The following NRG1 variants were observed in gnomAD, a reference collection of about 807,000 sequenced individuals.
NRG1 encodes the protein neuregulin 1.
NRG1 carries 18 observed loss-of-function variants against 63.8 expected under a neutral mutation model. The observed-to-expected ratio is 0.28, with a 90% CI of 0.19 to 0.42. NRG1 has a LOEUF of 0.42. Among genes scored for constraint, NRG1 ranks in the 10% least tolerant of loss-of-function variants. The pLI, the probability that NRG1 is intolerant of heterozygous loss-of-function variation, is 1.00. For synonymous variants in NRG1, 302 were observed against 301.3 expected, an observed-to-expected ratio of 1.00 and a Z score of -0.02; for missense variants, 762 against 814.7, an observed-to-expected ratio of 0.94 and a Z score of 0.79.
At chr8:32,188,926 A>G (rs566889576) in intron 1 of NRG1, among the ~76,000 whole-genome samples, 245 of 152,228 alleles carry the variant, frequency 1.6e-3, no homozygotes, top group Middle Eastern at 6.8e-3. Flanking sequence ...TAACCTGCAC[A>G]TTGTGCATAT....
chr8:31,737,704 C>T (rs778606482), intron 1 of NRG1, among the ~76,000 whole-genome samples: 1 of 152,126 alleles, frequency 6.6e-6, no homozygotes, highest in African/African-American at 2.4e-5. Context: ...TGGGAGCAGG[C>T]TGTATGCTTT....
intron 1 of NRG1, among the ~76,000 whole-genome samples, chr8:31,910,309 A>G (rs1832838929): frequency 6.6e-6 from 1 of 152,210 alleles, no homozygotes; most frequent in Non-Finnish European, 1.5e-5. Flanking sequence ...ATGGAATGAG[A>G]TGAAAATGGA....
chr8:31,811,951 C>T (rs1024424455), intron 1 of NRG1, among the ~76,000 whole-genome samples: 2 of 152,132 alleles, frequency 1.3e-5, no homozygotes, highest in Admixed American at 1.3e-4. Context: ...ATCCCTACAG[C>T]AATTTCTCTA....
At chr8:31,835,442 A>G (rs571158219) in intron 1 of NRG1, among the ~76,000 whole-genome samples, 2 of 152,306 alleles carry the variant, frequency 1.3e-5, no homozygotes, top group Admixed American at 6.5e-5. Flanking sequence ...GTTCAGCCTC[A>G]TTAAATCTAG....
chr8:32,192,391 T>C (rs1842577859), intron 1 of NRG1, among the ~76,000 whole-genome samples: 3 of 152,298 alleles, frequency 2.0e-5, no homozygotes, highest in East Asian at 3.9e-4. Flanking sequence ...GTATACACCA[T>C]GTAATACTAC....
chr8:31,901,952 T>C (rs1563545044), intron 1 of NRG1, among the ~76,000 whole-genome samples: 1 of 152,318 alleles, frequency 6.6e-6, no homozygotes, highest in East Asian at 1.9e-4. Context: ...ACGGAACTTA[T>C]TCCATTCAAC....
At chr8:32,494,359 G>T (rs1486435297) in intron 1 of NRG1, among the ~76,000 whole-genome samples, 1 of 152,014 alleles carries the variant, frequency 6.6e-6, no homozygotes, top group African/African-American at 2.4e-5. Context: ...ATACTAATTT[G>T]TCATATTCTA....
At chr8:32,335,344 A>G (rs1278541747) in intron 1 of NRG1, among the ~76,000 whole-genome samples, 1 of 152,160 alleles carries the variant, frequency 6.6e-6, no homozygotes, top group Non-Finnish European at 1.5e-5. Flanking sequence ...TCCTTTCCAG[A>G]AAACAATTGT....
chr8:32,510,743 C>T (rs1798569671), intron 1 of NRG1, among the ~76,000 whole-genome samples: 1 of 152,056 alleles, frequency 6.6e-6, no homozygotes, highest in South Asian at 2.1e-4. Context: ...AAGGACCATG[C>T]AGGCTGAGAC....
At chr8:31,777,065 C>T (rs1459903472) in intron 1 of NRG1, among the ~76,000 whole-genome samples, 4 of 152,104 alleles carry the variant, frequency 2.6e-5, no homozygotes, top group East Asian at 3.9e-4. Context: ...AGACTTGGAA[C>T]CCACTTCCCA....
intron 7 of NRG1, chr8:32,749,610 AGCCT>A (rs779631498): frequency 6.2e-7 from 1 of 1,611,694 alleles, no homozygotes; most frequent in Admixed American, 1.7e-5. Context: ...CATTCCTTTT[AGCCT>A]GCAGAATTTA....
At chr8:32,648,247 GTATTTTTGCC>G in intron 5 of NRG1, 1 of 1,614,034 alleles carries the variant, frequency 6.2e-7, no homozygotes, top group Non-Finnish European at 8.5e-7. Flanking sequence ...CCGAAGAATC[GTATTTTTGCC>G]TTTTCTTTCT....
At chr8:31,841,873 T>C (rs902371581) in intron 1 of NRG1, among the ~76,000 whole-genome samples, 1 of 152,192 alleles carries the variant, frequency 6.6e-6, no homozygotes, top group Non-Finnish European at 1.5e-5. Context: ...CTGCAGAGTT[T>C]TAGAGACCAA....
chr8:32,470,689 T>C (rs750133515), intron 1 of NRG1, among the ~76,000 whole-genome samples: 3 of 152,220 alleles, frequency 2.0e-5, no homozygotes, highest in Non-Finnish European at 4.4e-5. Context: ...TACTGAATCC[T>C]ACCCTAATAC....
intron 1 of NRG1, among the ~76,000 whole-genome samples, chr8:32,330,041 TAAAAAAAAAAAAAAAAAAAAAAAAAAA>T (rs532006401): frequency 4.7e-5 from 2 of 42,978 alleles, no homozygotes; most frequent in Non-Finnish European, 8.1e-5. Flanking sequence ...CCTAGCTAAT[TAAAAAAAAAAAAAAAAAAAAAAAAAAA>T]AAAAAAAAAA....
At chr8:31,920,876 A>G (rs1219795604) in intron 1 of NRG1, among the ~76,000 whole-genome samples, 24 of 133,622 alleles carry the variant, frequency 1.8e-4, no homozygotes, top group African/African-American at 6.1e-4. Context: ...AGATAGATAG[A>G]TAGATAGGTA....
At chr8:31,713,361 C>A (rs969888265) in intron 1 of NRG1, among the ~76,000 whole-genome samples, 1 of 152,030 alleles carries the variant, frequency 6.6e-6, no homozygotes, top group African/African-American at 2.4e-5. Context: ...CGTGATCCGC[C>A]GGCCTCGGCC....
At chr8:32,532,944 T>G (rs1044057736) in intron 1 of NRG1, among the ~76,000 whole-genome samples, 1 of 152,008 alleles carries the variant, frequency 6.6e-6, no homozygotes, top group Non-Finnish European at 1.5e-5. Context: ...AAGTTGCTGG[T>G]TTTTTTAATA....
At position 31,893,963 on chromosome 8, in the gene NRG1, T is replaced by C. The variant is rs866016726; in HGVS notation, c.37+254532T>C. ...AGTAAGAATATTGTTATGCAGATCA[T>C]TGTTATTCTATAAAATGCAGTACCA... On this transcript the variant is annotated intron_variant, in intron 1 of 10. Coordinates refer to the NRG1 transcript ENST00000519301. Among the ~76,000 whole-genome samples the C allele has an allele frequency of 5.1e-4, 77 of 152,248 alleles. 1 individual carries two copies. Among genetic ancestry groups the C allele is most frequent in the African/African-American group, 1.6e-3 (67 of 41,584 alleles).
Sources: gnomAD v4.1 joint callset for allele counts (sites outside exome capture counted in the v4.1 genomes callset) on GRCh38, gnomAD v4.1.1 for gene constraint, MANE v1.5 for transcripts, NCBI Gene and HGNC (gene_info 2026-07-23, HGNC 2026-07-21) for gene names.